The following SAMD8 variants were observed in gnomAD, a reference collection of about 807,000 sequenced individuals.
SAMD8 encodes sphingomyelin synthase-related protein 1.
A neutral mutation model predicts 42.0 loss-of-function variants in SAMD8; 20 were observed. The observed-to-expected ratio is 0.48, with a 90% CI of 0.34 to 0.69. SAMD8 has a LOEUF of 0.69. Among genes scored for constraint, SAMD8 ranks in the 30% least tolerant of loss-of-function variants. The pLI is 0.01. For synonymous variants in SAMD8, 162 were observed against 173.0 expected (o/e 0.94, Z 0.50); for missense variants, 328 against 511.6 (o/e 0.64, Z 3.46).
Position 75,140,102 on chromosome 10 carries a change from T to C in SAMD8, c.-15-10412T>C, listed in dbSNP as rs192013519. Among the ~76,000 whole-genome samples the C allele has an allele frequency of 7.9e-5, 12 of 152,366 alleles. No individual in the cohort carries two copies. The East Asian group carries it at 2.1e-3, about 27-fold the overall frequency. On this transcript the variant is annotated intron_variant, in intron 1 of 5. Coordinates refer to ENST00000542569, the MANE Select transcript of SAMD8 (RefSeq NM_001174156.2). ...TTGTAGAAAATCAGATATCTATATATGTATAGGTTTGTTTCTGGACTCTAT... is the reference window on the plus strand; with the variant it reads ...TTGTAGAAAATCAGATATCTATATACGTATAGGTTTGTTTCTGGACTCTAT...
At chr10:75,164,553 T>G in intron 2 of SAMD8, 92 bp from the exon 3 acceptor site, 1 of 1,523,328 alleles carries the variant, frequency 6.6e-7, no homozygotes, top group South Asian at 1.3e-5. Context: ...AAACCAATTT[T>G]AAGGTCATTA....
intron 1 of SAMD8, among the ~76,000 whole-genome samples, chr10:75,119,931 G>A (rs915186504): frequency 2.6e-5 from 4 of 152,104 alleles, no homozygotes; most frequent in African/African-American, 9.7e-5. Context: ...AGCTGGGCGT[G>A]GTGGCGCGCA....
At chr10:75,131,445 C>T (rs141236486) in intron 1 of SAMD8, among the ~76,000 whole-genome samples, 1 of 152,172 alleles carries the variant, frequency 6.6e-6, no homozygotes, top group African/African-American at 2.4e-5. Flanking sequence ...AAATCACGCT[C>T]TAGTGTTGAC....
upstream of SAMD8, among the ~76,000 whole-genome samples, chr10:75,106,857 T>A (rs1458378297): frequency 6.6e-6 from 1 of 152,206 alleles, no homozygotes; most frequent in Non-Finnish European, 1.5e-5. Flanking sequence ...ATGTGAGCTG[T>A]AATCTTGTCA....
intron 1 of SAMD8, among the ~76,000 whole-genome samples, chr10:75,117,079 G>A (rs1376279785): frequency 5.9e-5 from 9 of 151,958 alleles, no homozygotes; most frequent in Non-Finnish European, 1.3e-4. Context: ...CCAAAGTTGG[G>A]TTTACAGGCG....
At chr10:75,101,965 T>C (rs1848188890) in intron 1 of SAMD8, 2 of 1,367,214 alleles carry the variant, frequency 1.5e-6, no homozygotes, top group Non-Finnish European at 2.0e-6. Flanking sequence ...GCTGTTTCTA[T>C]TTTTTGATTT....
chr10:75,102,436 C>G (rs1176125521), intron 1 of SAMD8, among the ~76,000 whole-genome samples: 4 of 151,726 alleles, frequency 2.6e-5, no homozygotes, highest in Non-Finnish European at 4.4e-5. Flanking sequence ...GGGCGAGACT[C>G]CGTCTCAAAA....
At chr10:75,105,831 G>A in intron 1 of SAMD8, 1 of 1,550,690 alleles carries the variant, frequency 6.4e-7, no homozygotes, top group Non-Finnish European at 8.7e-7. Flanking sequence ...GCGTGGCAGA[G>A]CGGCTCACGC....
intron 3 of SAMD8, among the ~76,000 whole-genome samples, chr10:75,165,332 GT>G (rs1378186458): frequency 6.6e-6 from 1 of 151,748 alleles, no homozygotes; most frequent in East Asian, 1.9e-4. Flanking sequence ...TTGGTCACAT[GT>G]TTAGATGGAA....
chr10:75,176,473 A>G lies in SAMD8; in HGVS notation c.1029A>G (p.Glu343=). 2 of 1,551,338 alleles carry G rather than the reference A, an allele frequency of 1.3e-6. No individual in the cohort carries two copies. The highest frequency in any genetic ancestry group is 2.4e-5 in the East Asian group (1 of 40,922). The change falls in exon 6 of 6, where the codon GAA becomes GAG. Residue 343 remains glutamate, a synonymous_variant. Coordinates refer to ENST00000542569, the MANE Select transcript of SAMD8 (RefSeq NM_001174156.2). The surrounding 1 kb of genome is among the most constrained non-coding windows in gnomAD (Gnocchi z 4.3). ...TCTTCTTCATCTTGGCTGCCCATGAACATTATTCTATTGATGTGTTTATTG... is the reference window on the plus strand; with the variant it reads ...TCTTCTTCATCTTGGCTGCCCATGAGCATTATTCTATTGATGTGTTTATTG... ...FGIFFILAAH[E]HYSIDVFIAF... is the part of the protein sequence containing the mutation.
intron 1 of SAMD8, among the ~76,000 whole-genome samples, chr10:75,146,132 G>A (rs1019653291): frequency 1.3e-5 from 2 of 152,026 alleles, no homozygotes; most frequent in Admixed American, 6.6e-5. Context: ...TCAACTCAGT[G>A]AGCCTGCCAG....
intron 2 of SAMD8, among the ~76,000 whole-genome samples, chr10:75,151,631 C>T (rs1479307462): frequency 6.6e-6 from 1 of 152,098 alleles, no homozygotes; most frequent in African/African-American, 2.4e-5. Flanking sequence ...GGATTACAGG[C>T]ATGAGCCATC....
chr10:75,157,313 T>C (rs920470958), intron 2 of SAMD8, among the ~76,000 whole-genome samples: 12 of 151,966 alleles, frequency 7.9e-5, no homozygotes, highest in African/African-American at 2.4e-4. Context: ...GTTGTATTGA[T>C]AATAAGAATG....
chr10:75,108,346 G>A, upstream of SAMD8: 1 of 1,427,950 alleles, frequency 7.0e-7, no homozygotes. Flanking sequence ...TCCAAGTGGG[G>A]TCTGACTCCA....
At chr10:75,134,882 C>A (rs1849353515) in intron 1 of SAMD8, among the ~76,000 whole-genome samples, 1 of 151,452 alleles carries the variant, frequency 6.6e-6, no homozygotes, top group Non-Finnish European at 1.5e-5. Context: ...CATAGTGAGA[C>A]CCTGTCTCTA....
At chr10:75,171,290 C>T (rs1840859594) in intron 4 of SAMD8, among the ~76,000 whole-genome samples, 1 of 150,862 alleles carries the variant, frequency 6.6e-6, no homozygotes, top group African/African-American at 2.4e-5. Context: ...CCTCAGCCTC[C>T]CGAGTAGCTG....
chr10:75,146,135 C>T (rs1196053529), intron 1 of SAMD8, among the ~76,000 whole-genome samples: 1 of 152,148 alleles, frequency 6.6e-6, no homozygotes, highest in Non-Finnish European at 1.5e-5. Flanking sequence ...ACTCAGTGAG[C>T]CTGCCAGGCC....
intron 1 of SAMD8, among the ~76,000 whole-genome samples, chr10:75,142,460 C>T (rs1322767968): frequency 6.6e-5 from 10 of 151,854 alleles, no homozygotes; most frequent in East Asian, 1.9e-4. Flanking sequence ...TTTTTTGAGA[C>T]GAAGTCTTGT....
At chr10:75,129,436 T>A (rs1849223891) in intron 1 of SAMD8, among the ~76,000 whole-genome samples, 1 of 152,174 alleles carries the variant, frequency 6.6e-6, no homozygotes. Context: ...AGACAGTGTT[T>A]CACCATGTCG....
Sources: gnomAD v4.1 joint callset for allele counts (sites outside exome capture counted in the v4.1 genomes callset) on GRCh38, gnomAD v4.1.1 for gene constraint, Gnocchi (gnomAD v3.1) non-coding constraint, MANE v1.5 for transcripts, NCBI Gene and HGNC (gene_info 2026-07-23, HGNC 2026-07-21) for gene names.